The following TSEN15 variants were observed in gnomAD, a reference collection of about 807,000 sequenced individuals.
TSEN15 encodes tRNA splicing endonuclease subunit 15.
Under a neutral mutation model 20.5 loss-of-function variants are expected in TSEN15, and 10 were observed. That is an observed-to-expected ratio of 0.49 (90% confidence interval 0.30 to 0.83). The LOEUF (loss-of-function observed/expected upper bound fraction) is 0.83, where lower values mean the gene tolerates loss of function less well. Ranked by LOEUF, TSEN15 falls within the 40% of genes least tolerant of loss-of-function variation. The probability of loss-of-function intolerance (pLI) is 0.06; values close to 1 mark genes in which losing one functional copy is unlikely to be tolerated. For synonymous variants in TSEN15, 72 were observed against 80.1 expected (o/e 0.90, Z 0.54); for missense variants, 180 against 218.6 (o/e 0.82, Z 1.11).
chr1:184,075,073 A>G (rs1232754527), downstream of TSEN15, among the ~76,000 whole-genome samples: 1 of 152,202 alleles, frequency 6.6e-6, no homozygotes, highest in Admixed American at 6.5e-5. Context: ...TGTAAGGATA[A>G]TGTCAGATTT....
In TSEN15 at chr1:184,073,121, G is replaced by A. The variant is rs1338171471; in HGVS notation, c.*274G>A. The A allele has an allele frequency of 2.9e-6, 1 of 349,484 alleles. No homozygotes were observed. The highest frequency in any genetic ancestry group is 5.1e-6 in the Non-Finnish European group (1 of 195,546). The allele number at this position is 349,484 out of a possible 1,614,324, so 21.6% of individuals were successfully genotyped here. ...TTTATGCCTAGGATGTATTCAGATG[G>A]GTGGGACCTGTGTGCTGCTTTTGTC... On this transcript the variant is annotated 3_prime_UTR_variant, in exon 5 of 5. Transcript: ENST00000645668.
At chr1:184,090,935 T>C (rs1347990368) in intron 3 of TSEN15, among the ~76,000 whole-genome samples, 1 of 152,124 alleles carries the variant, frequency 6.6e-6, no homozygotes, top group Non-Finnish European at 1.5e-5. Context: ...CAGGGACATA[T>C]TGGAGAGGGA....
rs573790764 is a variant in TSEN15, at chr1:184,095,695, C to T, written c.359C>T (p.Thr120Ile). The T allele has an allele frequency of 7.5e-6, 3 of 397,958 alleles. No individual in the cohort carries two copies. In the East Asian group the frequency reaches 1.1e-4, roughly 14 times the overall value. The allele number at this position is 397,958 out of a possible 1,614,324, so 24.7% of individuals were successfully genotyped here. A position where few individuals can be genotyped will look rare whatever the true frequency, so the allele number is the denominator to read the frequency against. Residue 120 changes from threonine (T) to isoleucine (I), a missense_variant, in exon 4 of 4, where the codon ACA becomes ATA. By Grantham distance (89) the Thr-to-Ile change is moderately conservative. Coordinates refer to the TSEN15 transcript ENST00000643231. ...TGTCTCTCTCTCTTTCCCAGTTGTA[C>T]ACAGAAGAAAGCCCATATGAGGACA...
chr1:184,095,610 A>C (rs1261275857), intron 3 of TSEN15: 4 of 395,218 alleles, frequency 1.0e-5, no homozygotes, highest in Non-Finnish European at 1.8e-5. Flanking sequence ...AGGATACCAG[A>C]GATCTCTATC....
At chr1:184,057,458 A>G (rs1183784212) in intron 3 of TSEN15, among the ~76,000 whole-genome samples, 1 of 152,222 alleles carries the variant, frequency 6.6e-6, no homozygotes, top group Non-Finnish European at 1.5e-5. Flanking sequence ...ATGACTGAAT[A>G]CATAGCAGTC....
intron 3 of TSEN15, chr1:184,095,285 G>A: frequency 2.5e-6 from 1 of 395,412 alleles, no homozygotes; most frequent in East Asian, 3.6e-5. Context: ...TCTTCAATAA[G>A]AAGAAAGAGC....
At chr1:184,088,348 G>A (rs1651301015) in intron 3 of TSEN15, among the ~76,000 whole-genome samples, 1 of 152,246 alleles carries the variant, frequency 6.6e-6, no homozygotes, top group East Asian at 1.9e-4. Flanking sequence ...AGATTCTGAG[G>A]AGTCTGTTGA....
intron 3 of TSEN15, among the ~76,000 whole-genome samples, chr1:184,091,992 A>G (rs74883966): frequency 0.026 from 3,908 of 152,294 alleles, 172 homozygotes; most frequent in African/African-American, 0.088. Flanking sequence ...TGGCACAGAC[A>G]CTGATATCAA....
intron 3 of TSEN15, among the ~76,000 whole-genome samples, chr1:184,064,565 A>G (rs1450387035): frequency 6.6e-6 from 1 of 152,000 alleles, no homozygotes; most frequent in East Asian, 1.9e-4. Context: ...AAACAAACAA[A>G]CAGCTCTCCT....
exon 4 of TSEN15, chr1:184,095,889 C>T (rs544976812): frequency 2.4e-4 from 97 of 396,330 alleles, no homozygotes; most frequent in Non-Finnish European, 3.3e-4. Context: ...AGCAAACTAA[C>T]GTAAAATGCT....
chr1:184,071,554 G>A lies in TSEN15; in HGVS notation c.354-603G>A, dbSNP rs186559177. ...TTCTATATTTTTTAGAATCAAGTTA[G>A]TATTAAGCTGAGAGAAATTGTGATA... On this transcript the variant is annotated intron_variant, in intron 3 of 4. Coordinates refer to ENST00000645668, the MANE Select transcript of TSEN15 (RefSeq NM_052965.4). Among the ~76,000 whole-genome samples, 871 of 151,970 alleles carry A rather than the reference G, an allele frequency of 5.7e-3. 6 individuals are homozygous for A. The highest frequency in any genetic ancestry group is 0.02 in the Middle Eastern group (6 of 294).
intron 3 of TSEN15, among the ~76,000 whole-genome samples, chr1:184,084,482 C>A (rs1651226372): frequency 6.7e-6 from 1 of 149,746 alleles, no homozygotes; most frequent in African/African-American, 2.5e-5. Context: ...ATCCATAAAT[C>A]CTTTTGATTT....
At chr1:184,090,049 A>T (rs927860279) in intron 3 of TSEN15, among the ~76,000 whole-genome samples, 1 of 152,190 alleles carries the variant, frequency 6.6e-6, no homozygotes, top group Non-Finnish European at 1.5e-5. Flanking sequence ...TTTATTCATA[A>T]CAGTCAGACT....
intron 3 of TSEN15, among the ~76,000 whole-genome samples, chr1:184,071,662 G>T (rs1650888150): frequency 6.6e-6 from 1 of 151,810 alleles, no homozygotes; most frequent in Admixed American, 6.6e-5. Flanking sequence ...TAATTAAAAT[G>T]GTGTACTAGA....
At chr1:184,091,211 G>A (rs1488410448) in intron 3 of TSEN15, among the ~76,000 whole-genome samples, 1 of 152,008 alleles carries the variant, frequency 6.6e-6, no homozygotes, top group Non-Finnish European at 1.5e-5. Context: ...CCAAAAGAAG[G>A]AGAAGGGGCT....
chr1:184,071,020 C>T (rs1380327646), intron 3 of TSEN15: 1 of 156,494 alleles, frequency 6.4e-6, no homozygotes, highest in African/African-American at 2.4e-5. Flanking sequence ...TCCCAATTTG[C>T]AAGGTAGCAA....
intron 3 of TSEN15, among the ~76,000 whole-genome samples, chr1:184,084,776 G>C (rs1651230976): frequency 6.6e-6 from 1 of 151,926 alleles, no homozygotes; most frequent in Non-Finnish European, 1.5e-5. Context: ...CATGAGGGTG[G>C]AGCCCTCATG....
At chr1:184,059,696 A>C (rs111719953) in intron 3 of TSEN15, among the ~76,000 whole-genome samples, 3,654 of 151,770 alleles carry the variant, frequency 0.024, 70 homozygotes, top group Middle Eastern at 0.037. Flanking sequence ...TCAGCGTTCT[A>C]AGTAGCTGGG....
At chr1:184,066,321 A>G (rs1187460845) in intron 3 of TSEN15, among the ~76,000 whole-genome samples, 1 of 151,102 alleles carries the variant, frequency 6.6e-6, no homozygotes, top group Admixed American at 6.6e-5. Context: ...TCTCTATTCT[A>G]TTCCATTGAC....
Sources: allele counts gnomAD v4.1 joint callset (sites outside exome capture counted in the v4.1 genomes callset), GRCh38; gene constraint gnomAD v4.1.1; transcripts MANE v1.5; gene names NCBI Gene and HGNC (gene_info 2026-07-23, HGNC 2026-07-21).